LRMDA: variants seen among roughly 807,000 people sequenced by gnomAD.
LRMDA encodes the protein leucine-rich melanocyte differentiation-associated protein.
A neutral mutation model predicts 29.8 loss-of-function variants in LRMDA; 18 were observed. That is an observed-to-expected ratio of 0.60 (90% CI 0.42 to 0.90). The LOEUF is 0.90. Ranked by LOEUF, LRMDA falls within the 40% of genes least tolerant of loss-of-function variation. LRMDA has a pLI of 0.00. For missense variants in LRMDA, 273 were observed against 273.9 expected, an observed-to-expected ratio of 1.00 and a Z score of 0.02; for synonymous variants, 125 against 109.4, an observed-to-expected ratio of 1.14 and a Z score of -0.89.
intron 2 of LRMDA, among the ~76,000 whole-genome samples, chr10:76,011,192 T>C (rs1329223576): frequency 6.6e-6 from 1 of 152,180 alleles, no homozygotes; most frequent in Non-Finnish European, 1.5e-5. Context: ...GGGAGCGTCA[T>C]CAAAGCTCAT....
At chr10:75,640,723 CT>C (rs777469681) in intron 2 of LRMDA, among the ~76,000 whole-genome samples, 3 of 152,162 alleles carry the variant, frequency 2.0e-5, no homozygotes, top group Non-Finnish European at 2.9e-5. Context: ...GAGAGCAGAG[CT>C]ATAGGCTCTG....
intron 6 of LRMDA, among the ~76,000 whole-genome samples, chr10:76,385,444 G>A (rs1047548650): frequency 6.6e-6 from 1 of 152,216 alleles, no homozygotes; most frequent in African/African-American, 2.4e-5. Flanking sequence ...GATACTTTCA[G>A]AGAGGGGCCT....
intron 6 of LRMDA, among the ~76,000 whole-genome samples, chr10:76,525,452 T>A (rs1843164596): frequency 6.6e-6 from 1 of 152,188 alleles, no homozygotes; most frequent in South Asian, 2.1e-4. Flanking sequence ...CTTAGAGGAT[T>A]GAGTCCTTTA....
At position 75,434,017 on chromosome 10, in the gene LRMDA, T is replaced by C. The variant is rs986471142; in HGVS notation, c.30+2263T>C. Among the ~76,000 whole-genome samples, 5 of 152,348 alleles carry C rather than the reference T, an allele frequency of 3.3e-5. No individual in the cohort carries two copies. In the South Asian group the frequency reaches 8.3e-4, roughly 25 times the overall value. ...TTGCAGTCTTCCTATTGCTTTTCTC[T>C]GCAAAAGGCTTTTCATTTGCCATGG... On this transcript the variant is annotated intron_variant, in intron 1 of 6. Coordinates refer to ENST00000611255, the MANE Select transcript of LRMDA (RefSeq NM_001305581.2).
intron 2 of LRMDA, among the ~76,000 whole-genome samples, chr10:75,940,062 C>T (rs953465685): frequency 4.6e-5 from 7 of 152,084 alleles, no homozygotes; most frequent in African/African-American, 9.7e-5. Context: ...CAGGATTCCA[C>T]GACCCAGTCA....
At chr10:75,658,550 A>G (rs1402104295) in intron 2 of LRMDA, among the ~76,000 whole-genome samples, 1 of 152,152 alleles carries the variant, frequency 6.6e-6, no homozygotes. Context: ...TCAGTCCCCC[A>G]TGGACAATTC....
At chr10:75,714,540 T>A (rs1564547612) in intron 2 of LRMDA, among the ~76,000 whole-genome samples, 1 of 152,204 alleles carries the variant, frequency 6.6e-6, no homozygotes, top group Non-Finnish European at 1.5e-5. Context: ...AAATAACAGC[T>A]CAATGGAACA....
chr10:76,291,372 T>A (rs995486115), intron 5 of LRMDA, among the ~76,000 whole-genome samples: 1 of 152,206 alleles, frequency 6.6e-6, no homozygotes, highest in Non-Finnish European at 1.5e-5. Flanking sequence ...GTCATCTCAA[T>A]CTATTTATGA....
At chr10:76,159,843 G>C (rs969258785) in intron 5 of LRMDA, among the ~76,000 whole-genome samples, 10 of 152,142 alleles carry the variant, frequency 6.6e-5, no homozygotes, top group African/African-American at 2.4e-4. Flanking sequence ...TATAGAGAGA[G>C]CACAAAGAGC....
chr10:76,096,927 C>T (rs902598498), intron 5 of LRMDA, among the ~76,000 whole-genome samples: 2 of 151,632 alleles, frequency 1.3e-5, no homozygotes, highest in African/African-American at 4.8e-5. Context: ...GCTAAGCTTA[C>T]TTATTATTTC....
chr10:76,357,928 G>A (rs1017233052), intron 6 of LRMDA, among the ~76,000 whole-genome samples: 1 of 152,120 alleles, frequency 6.6e-6, no homozygotes, highest in African/African-American at 2.4e-5. Context: ...TGACTTTGAG[G>A]AGCTTGGAGG....
At chr10:75,742,826 T>C (rs1262318328) in intron 2 of LRMDA, 4 of 152,190 alleles carry the variant, frequency 2.6e-5, no homozygotes, top group Non-Finnish European at 5.9e-5. Context: ...GTGGTTGGCA[T>C]GGGGATTGGG....
At chr10:76,081,328 G>A (rs1047158319) in intron 5 of LRMDA, among the ~76,000 whole-genome samples, 2 of 152,104 alleles carry the variant, frequency 1.3e-5, no homozygotes, top group Non-Finnish European at 2.9e-5. Flanking sequence ...ACAAAAATTA[G>A]CCGGGTGTGG....
At chr10:75,721,102 A>G (rs983316662) in intron 2 of LRMDA, among the ~76,000 whole-genome samples, 11 of 152,234 alleles carry the variant, frequency 7.2e-5, no homozygotes, top group Admixed American at 1.3e-4. Context: ...GGTCTTTTGC[A>G]TAACCATTTT....
chr10:76,010,002 T>C (rs1378953180), intron 2 of LRMDA, among the ~76,000 whole-genome samples: 1 of 152,112 alleles, frequency 6.6e-6, no homozygotes, highest in Non-Finnish European at 1.5e-5. Context: ...CCACCCGCCT[T>C]CTCTCTGTTA....
intron 2 of LRMDA, among the ~76,000 whole-genome samples, chr10:75,537,669 G>A (rs1435268957): frequency 6.6e-6 from 1 of 152,190 alleles, no homozygotes; most frequent in African/African-American, 2.4e-5. Context: ...AGTGAGCTTG[G>A]GTTGCTTGGG....
At chr10:76,449,327 T>C (rs1195585935) in intron 6 of LRMDA, among the ~76,000 whole-genome samples, 1 of 151,888 alleles carries the variant, frequency 6.6e-6, no homozygotes, top group Non-Finnish European at 1.5e-5. Context: ...GAATATATTA[T>C]ATGTGTCATA....
chr10:76,414,209 A>G (rs1365136315), intron 6 of LRMDA, among the ~76,000 whole-genome samples: 1 of 152,234 alleles, frequency 6.6e-6, no homozygotes, highest in Non-Finnish European at 1.5e-5. Flanking sequence ...TGTTATATCT[A>G]AGAACTTTGC....
chr10:75,885,786 T>C (rs1845377737), intron 2 of LRMDA, among the ~76,000 whole-genome samples: 1 of 152,360 alleles, frequency 6.6e-6, no homozygotes, highest in Admixed American at 6.5e-5. Flanking sequence ...ACATAGACAT[T>C]GCATAAGCAT....
Sources: allele counts gnomAD v4.1 joint callset (sites outside exome capture counted in the v4.1 genomes callset), GRCh38; gene constraint gnomAD v4.1.1; transcripts MANE v1.5; gene names NCBI Gene and HGNC (gene_info 2026-07-23, HGNC 2026-07-21).